The following GALNT18 variants were observed in gnomAD, a reference collection of about 807,000 sequenced individuals.
The protein encoded by GALNT18 is GalNAc-transferase 18.
Under a neutral mutation model 69.5 loss-of-function variants are expected in GALNT18, and 44 were observed. That is an observed-to-expected ratio of 0.63 (90% confidence interval 0.50 to 0.81). The LOEUF is 0.81. Ranked by LOEUF, GALNT18 falls within the 40% of genes least tolerant of loss-of-function variation. The pLI is 0.00. For missense variants in GALNT18, 715 were observed against 810.0 expected (o/e 0.88, Z 1.42); for synonymous variants, 364 against 318.2 (o/e 1.14, Z -1.53).
rs1856887322 is a variant in GALNT18 at position 11,497,368 on chromosome 11, A to ACACACACACACACC, written c.236-48433_236-48432insGGTGTGTGTGTGTG. 7.1e-6 allele frequency among the ~76,000 whole-genome samples: 1 copy of ACACACACACACACC among 141,010 alleles called. No individual in the cohort carries two copies. Among genetic ancestry groups the ACACACACACACACC allele is most frequent in the Non-Finnish European group, 1.5e-5 (1 of 66,328 alleles). The allele number at this position is 141,010 out of a possible 152,430, so 92.5% of individuals were successfully genotyped here. A position where few individuals can be genotyped will look rare whatever the true frequency, so the allele number is the denominator to read the frequency against. The stretch of plus-strand genomic sequence containing the variant: ...CACACACACACACACACACACACAC[A>ACACACACACACACC]CACCCCTTAGAATGGGGCTCCTTAA... On this transcript the variant is annotated intron_variant, in intron 1 of 10. Transcript: ENST00000227756. The surrounding 1 kb of genome is among the most constrained non-coding windows in gnomAD (Gnocchi z 4.2).
chr11:11,577,143 C>A (rs1055384475), intron 1 of GALNT18, among the ~76,000 whole-genome samples: 1 of 152,208 alleles, frequency 6.6e-6, no homozygotes, highest in Non-Finnish European at 1.5e-5. Context: ...ATCTGCAGTG[C>A]GGATGAAATG....
In GALNT18 at chr11:11,347,477, A is replaced by G. The variant is rs1472392772; in HGVS notation, c.1093-6473T>C. 6.6e-6 allele frequency among the ~76,000 whole-genome samples: 1 copy of G among 152,206 alleles called. No homozygotes were observed. Among genetic ancestry groups the G allele is most frequent in the East Asian group, 1.9e-4 (1 of 5,200 alleles). On this transcript the variant is annotated intron_variant, in intron 6 of 10. Coordinates refer to ENST00000227756, the MANE Select transcript of GALNT18 (RefSeq NM_198516.3). The surrounding 1 kb of genome is among the most constrained non-coding windows in gnomAD (Gnocchi z 4.0). ...GAATTCTGAGGCTCTGTCCAGTCTC[A>G]GTGGAGAAGTATGCCACAATTTATT...
At position 11,436,474 on chromosome 11, in the gene GALNT18, C is replaced by T. The variant is rs370750575; in HGVS notation, c.429-3687G>A. ...TCCTAGGCACACCAGGTCAGGCGGT[C>T]CCCCATGCCTATACCACCAGCTCTG... On this transcript the variant is annotated intron_variant, in intron 2 of 10. Coordinates refer to ENST00000227756, the MANE Select transcript of GALNT18 (RefSeq NM_198516.3). This position sits in a 1 kb window ranked among gnomAD's most constrained non-coding sequence, Gnocchi z 4.5. 6.6e-6 allele frequency among the ~76,000 whole-genome samples: 1 copy of T among 152,222 alleles called. No homozygotes were observed. The highest frequency in any genetic ancestry group is 1.9e-4 in the East Asian group (1 of 5,160).
Position 11,337,325 on chromosome 11 carries a change from A to G in GALNT18, c.1278+3494T>C, listed in dbSNP as rs774043238. Among the ~76,000 whole-genome samples the G allele has an allele frequency of 2.0e-5, 3 of 152,162 alleles. No individual in the cohort carries two copies. Among genetic ancestry groups the G allele is most frequent in the Non-Finnish European group, 4.4e-5 (3 of 68,038 alleles). On this transcript the variant is annotated intron_variant, in intron 7 of 10. Coordinates refer to ENST00000227756, the MANE Select transcript of GALNT18 (RefSeq NM_198516.3). The surrounding 1 kb of genome is among the most constrained non-coding windows in gnomAD (Gnocchi z 4.9). ...TACCATGCGCCCTGCCTTGTGCTAG[A>G]TATAATGACACAAAAATGAATAAAG...
At position 11,286,607 on chromosome 11, in the gene GALNT18, TTTGG is replaced by T. The variant is rs374308762; in HGVS notation, c.1677+6418_1677+6421del. 5.1e-3 allele frequency among the ~76,000 whole-genome samples: 769 copies of T among 152,230 alleles called. 10 individuals carry two copies. The highest frequency in any genetic ancestry group is 0.037 in the South Asian group (178 of 4,800). ...TCAAGACCTTGCACACAGGGGGGAC[TTTGG>T]TTAAGATTTGTGAATTTTTTTAAAA... On this transcript the variant is annotated intron_variant, in intron 10 of 10. Transcript: ENST00000227756.
At chr11:11,334,990 T>C (rs895548239) in intron 7 of GALNT18, among the ~76,000 whole-genome samples, 2 of 152,258 alleles carry the variant, frequency 1.3e-5, no homozygotes, top group East Asian at 1.9e-4. Context: ...TACTTTATCC[T>C]TATATCAGAA....
intron 1 of GALNT18, among the ~76,000 whole-genome samples, chr11:11,498,494 G>A (rs1312255814): frequency 1.3e-5 from 2 of 152,208 alleles, no homozygotes; most frequent in Non-Finnish European, 2.9e-5. Context: ...TCATGAATTT[G>A]TGACTTGGTT....
chr11:11,316,644 A>G (rs1025505341), intron 9 of GALNT18, among the ~76,000 whole-genome samples: 2 of 152,252 alleles, frequency 1.3e-5, no homozygotes, highest in African/African-American at 4.8e-5. Flanking sequence ...TTCTTCTCCT[A>G]TAACCAACAA....
intron 9 of GALNT18, among the ~76,000 whole-genome samples, chr11:11,296,493 T>A (rs147076365): frequency 2.4e-4 from 37 of 152,318 alleles, no homozygotes; most frequent in African/African-American, 8.4e-4. Context: ...GGTTTGGGGA[T>A]GTGGGCTGTG....
rs1461662361 is a variant in GALNT18, at chr11:11,320,539, C to T, written c.1512+6547G>A. On this transcript the variant is annotated intron_variant, in intron 9 of 10. Coordinates refer to ENST00000227756, the MANE Select transcript of GALNT18 (RefSeq NM_198516.3). The surrounding 1 kb of genome is among the most constrained non-coding windows in gnomAD (Gnocchi z 4.9). ...GGATTCAGAGGATCTTTGGGGTCCT[C>T]ACCTGTCCACAGTCTCCTTCTGAGA... is the stretch of plus-strand genomic sequence containing the variant. Among the ~76,000 whole-genome samples, 1 of 152,208 alleles carries T rather than the reference C, an allele frequency of 6.6e-6. No homozygotes were observed. The highest frequency in any genetic ancestry group is 2.4e-5 in the African/African-American group (1 of 41,456).
intron 1 of GALNT18, among the ~76,000 whole-genome samples, chr11:11,609,451 T>C (rs1859837928): frequency 1.3e-5 from 2 of 152,370 alleles, no homozygotes; most frequent in South Asian, 4.1e-4. Context: ...TCTTTGCTTA[T>C]AGCAGAGCCC....
chr11:11,291,080 A>C (rs1365759840), intron 10 of GALNT18, among the ~76,000 whole-genome samples: 3 of 152,180 alleles, frequency 2.0e-5, no homozygotes, highest in African/African-American at 7.2e-5. Context: ...TGAAGGAGGA[A>C]AGGAGGGAAA....
At chr11:11,524,799 T>G (rs750058942) in intron 1 of GALNT18, among the ~76,000 whole-genome samples, 1 of 152,236 alleles carries the variant, frequency 6.6e-6, no homozygotes, top group Admixed American at 6.5e-5. Flanking sequence ...CATTGTCTAG[T>G]GAACAAACGA....
intron 6 of GALNT18, among the ~76,000 whole-genome samples, chr11:11,368,539 T>C (rs541834542): frequency 5.9e-5 from 9 of 152,314 alleles, no homozygotes; most frequent in Non-Finnish European, 1.0e-4. Flanking sequence ...CAATTTTTTC[T>C]GGGCCCTTTG....
rs565460267 is a variant in GALNT18, at chr11:11,477,417, A to G, written c.236-28481T>C. On this transcript the variant is annotated intron_variant, in intron 1 of 10. Coordinates refer to ENST00000227756, the MANE Select transcript of GALNT18 (RefSeq NM_198516.3). Reference sequence around the variant, plus strand: ...TCTCCAGAGAACTCACACAATCACAATAGAAGAGTCATCTTAAATATCTGC... The same window carrying G: ...TCTCCAGAGAACTCACACAATCACAGTAGAAGAGTCATCTTAAATATCTGC... Among the ~76,000 whole-genome samples, 13 of 152,320 alleles carry G rather than the reference A, an allele frequency of 8.5e-5. No individual in the cohort carries two copies. In the East Asian group the frequency reaches 2.1e-3, roughly 25 times the overall value.
chr11:11,552,482 A>G (rs1398101773), intron 1 of GALNT18, among the ~76,000 whole-genome samples: 1 of 152,198 alleles, frequency 6.6e-6, no homozygotes, highest in Non-Finnish European at 1.5e-5. Flanking sequence ...AGTTGTGACA[A>G]CTGGCTATTG....
intron 3 of GALNT18, among the ~76,000 whole-genome samples, chr11:11,420,079 C>A (rs1400645720): frequency 2.6e-5 from 4 of 151,720 alleles, no homozygotes; most frequent in African/African-American, 7.3e-5. Context: ...ATTGGTTTCC[C>A]AATTTAGGTC....
chr11:11,405,684 C>A (rs941236977), intron 3 of GALNT18, among the ~76,000 whole-genome samples: 1 of 152,178 alleles, frequency 6.6e-6, no homozygotes, highest in Non-Finnish European at 1.5e-5. Flanking sequence ...CCTCTGAGGG[C>A]GCCTTTTGTC....
chr11:11,332,619 C>G lies in GALNT18; in HGVS notation c.1416+75G>C, dbSNP rs1284724642. ...CATGTGAGCAGCTGAGAGGCTCTTT[C>G]CCTCCTCTCCCTTTCTTCACTATGT... is the stretch of plus-strand genomic sequence containing the variant. On this transcript the variant is annotated intron_variant, in intron 8 of 10. Coordinates refer to ENST00000227756, the MANE Select transcript of GALNT18 (RefSeq NM_198516.3). The surrounding 1 kb of genome is among the most constrained non-coding windows in gnomAD (Gnocchi z 4.3). 1.0e-5 allele frequency: 16 copies of G among 1,536,206 alleles called. No homozygotes were observed. The highest frequency in any genetic ancestry group is 1.8e-6 in the Non-Finnish European group (2 of 1,115,078).
Sources: allele counts gnomAD v4.1 joint callset (sites outside exome capture counted in the v4.1 genomes callset), GRCh38; gene constraint gnomAD v4.1.1; non-coding constraint Gnocchi (gnomAD v3.1); transcripts MANE v1.5; gene names NCBI Gene and HGNC (gene_info 2026-07-23, HGNC 2026-07-21).